FGF12: variants seen among roughly 807,000 people sequenced by gnomAD.
FGF12 encodes the protein fibroblast growth factor 12B.
A neutral mutation model predicts 23.6 loss-of-function variants in FGF12; 14 were observed. That is an observed-to-expected ratio of 0.59 (90% confidence interval 0.39 to 0.93). The LOEUF (loss-of-function observed/expected upper bound fraction) is 0.93. Among genes scored for constraint, FGF12 ranks in the 40% least tolerant of loss-of-function variants. FGF12 has a pLI of 0.00. For synonymous variants in FGF12, 62 were observed against 77.3 expected (o/e 0.80, Z 1.04); for missense variants, 175 against 217.8 (o/e 0.80, Z 1.24).
At chr3:192,297,307 C>T (rs964065976) in intron 4 of FGF12, among the ~76,000 whole-genome samples, 1 of 152,108 alleles carries the variant, frequency 6.6e-6, no homozygotes, top group Non-Finnish European at 1.5e-5. Flanking sequence ...CTGGTTCAGT[C>T]GCAATACTTT....
chr3:192,158,654 T>C (rs973856442), intron 5 of FGF12, among the ~76,000 whole-genome samples: 1 of 39,494 alleles, frequency 2.5e-5, no homozygotes, highest in Non-Finnish European at 5.0e-5. Context: ...CCTCCCTCCC[T>C]CCCTTCCTTC....
intron 5 of FGF12, among the ~76,000 whole-genome samples, chr3:192,148,634 G>C (rs547918796): frequency 6.6e-6 from 1 of 152,222 alleles, no homozygotes; most frequent in East Asian, 1.9e-4. Flanking sequence ...CAATTAAAAA[G>C]CAAACAAACA....
intron 4 of FGF12, among the ~76,000 whole-genome samples, chr3:192,288,016 C>T (rs1049303249): frequency 6.6e-6 from 1 of 151,896 alleles, no homozygotes; most frequent in Non-Finnish European, 1.5e-5. Flanking sequence ...TTTAATAAGG[C>T]ACTAATCACT....
chr3:192,447,990 T>C (rs969333805), intron 2 of FGF12, among the ~76,000 whole-genome samples: 1 of 152,240 alleles, frequency 6.6e-6, no homozygotes, highest in African/African-American at 2.4e-5. Flanking sequence ...TTGCCTGACT[T>C]CTTTCGCCCA....
At chr3:192,177,447 G>A (rs59280157) in intron 4 of FGF12, among the ~76,000 whole-genome samples, 5,321 of 152,232 alleles carry the variant, frequency 0.035, 323 homozygotes, top group African/African-American at 0.12. Flanking sequence ...ACTCAGAACC[G>A]CTTTTGCTCC....
chr3:192,603,216 T>A (rs1161476894), intron 2 of FGF12, among the ~76,000 whole-genome samples: 2 of 152,122 alleles, frequency 1.3e-5, no homozygotes, highest in Non-Finnish European at 2.9e-5. Context: ...ATCAAAGGCA[T>A]CCAAATAGGA....
intron 4 of FGF12, among the ~76,000 whole-genome samples, chr3:192,246,901 G>GAAGAAAGAAAGAGAAAAAGA (rs1341418418): frequency 7.2e-6 from 1 of 138,626 alleles, no homozygotes. Flanking sequence ...GAGGAAGAAA[G>GAAGAAAGAAAGAGAAAAAGA]AAGAAAGAAA....
intron 2 of FGF12, among the ~76,000 whole-genome samples, chr3:192,681,359 G>A (rs112920149): frequency 9.8e-5 from 15 of 152,320 alleles, no homozygotes; most frequent in African/African-American, 3.6e-4. Context: ...GGTGTCATTT[G>A]GCAAGGTGAG....
chr3:192,582,998 T>G (rs905290536), intron 2 of FGF12, among the ~76,000 whole-genome samples: 1 of 152,168 alleles, frequency 6.6e-6, no homozygotes, highest in African/African-American at 2.4e-5. Flanking sequence ...CTGGCCTAAA[T>G]GAGATTTTAT....
chr3:192,321,812 A>G (rs965983739), intron 4 of FGF12, among the ~76,000 whole-genome samples: 1 of 152,152 alleles, frequency 6.6e-6, no homozygotes, highest in Non-Finnish European at 1.5e-5. Context: ...TAGAAGGATC[A>G]TATCTTGACA....
In FGF12 at chr3:192,360,390, G is replaced by C; in HGVS notation, c.124+38C>G. On this transcript the variant is annotated intron_variant, in intron 3 of 5. Transcript: ENST00000445105. The surrounding 1 kb of genome is among the most constrained non-coding windows in gnomAD (Gnocchi z 4.3). ...ATAAGATACACTGGGCCCTACATTT[G>C]ATTTGTAATCAGATTGTAAGAAGCT... The C allele has an allele frequency of 7.1e-7, 1 of 1,409,270 alleles. No homozygotes were observed. Among genetic ancestry groups the C allele is most frequent in the Non-Finnish European group, 1.0e-6 (1 of 993,958 alleles). 87.3% of individuals were successfully genotyped at this position (1,409,270 alleles called of 1,614,324 possible).
At chr3:192,687,049 TC>T (rs1174200230) in intron 2 of FGF12, among the ~76,000 whole-genome samples, 5 of 151,296 alleles carry the variant, frequency 3.3e-5, no homozygotes, top group Middle Eastern at 3.4e-3. Flanking sequence ...CAGGATGGTC[TC>T]CATCTCCTGA....
chr3:192,400,669 C>T (rs1720723700), intron 2 of FGF12, among the ~76,000 whole-genome samples: 1 of 152,132 alleles, frequency 6.6e-6, no homozygotes, highest in African/African-American at 2.4e-5. Flanking sequence ...ACCCCGTCCC[C>T]ACCTTCACAT....
Position 192,492,956 on chromosome 3 carries a change from ATTT to A in FGF12, c.14-132421_14-132419del, listed in dbSNP as rs766838831. Among the ~76,000 whole-genome samples, 83 of 121,582 alleles carry A rather than the reference ATTT, an allele frequency of 6.8e-4. 1 individual carries two copies. Among genetic ancestry groups the A allele is most frequent in the African/African-American group, 1.8e-3 (62 of 33,858 alleles). 79.8% of individuals were successfully genotyped at this position (121,582 alleles called of 152,430 possible). On this transcript the variant is annotated intron_variant, in intron 2 of 5. Transcript: ENST00000445105. ...CTATCATGCCTGGTTAATTTTTGTAATTTTTTTTTTTTTTTTTTTTTTTAGAGA... is the reference window on the plus strand; with the variant it reads ...CTATCATGCCTGGTTAATTTTTGTAATTTTTTTTTTTTTTTTTTTTAGAGA...
intron 2 of FGF12, among the ~76,000 whole-genome samples, chr3:192,544,058 T>C (rs565994873): frequency 6.6e-6 from 1 of 152,270 alleles, no homozygotes; most frequent in South Asian, 2.1e-4. Flanking sequence ...AGTTCACTGG[T>C]TCTGAGCAAT....
chr3:192,580,305 G>C (rs1470658903), intron 2 of FGF12, among the ~76,000 whole-genome samples: 1 of 149,928 alleles, frequency 6.7e-6, no homozygotes, highest in Non-Finnish European at 1.5e-5. Flanking sequence ...ATTTATCATG[G>C]AGTCAACATT....
intron 2 of FGF12, among the ~76,000 whole-genome samples, chr3:192,595,115 T>C (rs1007501299): frequency 6.6e-6 from 1 of 152,260 alleles, no homozygotes; most frequent in Non-Finnish European, 1.5e-5. Flanking sequence ...CTTTATTTTC[T>C]CTCAGTATTC....
intron 2 of FGF12, among the ~76,000 whole-genome samples, chr3:192,478,888 A>G (rs1380501144): frequency 6.6e-6 from 1 of 152,146 alleles, no homozygotes; most frequent in Non-Finnish European, 1.5e-5. Context: ...TCCTGATGTT[A>G]TGTTATATAT....
At chr3:192,295,703 T>C (rs1162485262) in intron 4 of FGF12, among the ~76,000 whole-genome samples, 1 of 152,092 alleles carries the variant, frequency 6.6e-6, no homozygotes, top group Non-Finnish European at 1.5e-5. Flanking sequence ...ATCTAGATTT[T>C]CTCTTTAAAG....
Sources: gnomAD v4.1 joint callset for allele counts (sites outside exome capture counted in the v4.1 genomes callset) on GRCh38, gnomAD v4.1.1 for gene constraint, Gnocchi (gnomAD v3.1) non-coding constraint, MANE v1.5 for transcripts, NCBI Gene and HGNC (gene_info 2026-07-23, HGNC 2026-07-21) for gene names.